Variants in E2F6 observed in about 807,000 individuals in gnomAD.
The protein encoded by E2F6 is transcription factor E2F6.
In E2F6, 19 loss-of-function variants were observed where a neutral mutation model predicts 31.5. The observed-to-expected ratio is 0.60, with a 90% CI of 0.42 to 0.89. The LOEUF (loss-of-function observed/expected upper bound fraction) is 0.89. Among genes scored for constraint, E2F6 ranks in the 40% least tolerant of loss-of-function variants. The probability of loss-of-function intolerance (pLI) is 0.00; values close to 1 mark genes in which losing one functional copy is unlikely to be tolerated. For synonymous variants in E2F6, 121 were observed against 127.7 expected, an observed-to-expected ratio of 0.95 and a Z score of 0.36; for missense variants, 269 against 341.6, an observed-to-expected ratio of 0.79 and a Z score of 1.67.
At position 11,465,793 on chromosome 2, in the gene E2F6, G is replaced by T; in HGVS notation, c.87C>A (p.Pro29=). The T allele has an allele frequency of 6.2e-7, 1 of 1,600,644 alleles. No individual in the cohort carries two copies. The highest frequency in any genetic ancestry group is 2.3e-5 in the East Asian group (1 of 44,242). ...EETVRRRCRD[P]INVEGLLPSK... ...TTACCAGCAGGCCCTCCACGTTGAT[G>T]GGGTCTCGGCACCGACGGCGAACCG... Residue 29 remains proline (P), a synonymous_variant, in exon 1 of 7, where the codon CCC becomes CCA. Transcript: ENST00000381525.
At chr2:11,464,661 G>C (rs1672021134) in intron 1 of E2F6, among the ~76,000 whole-genome samples, 1 of 152,036 alleles carries the variant, frequency 6.6e-6, no homozygotes, top group Non-Finnish European at 1.5e-5. Flanking sequence ...TTATCATCTG[G>C]AGTTAGACAT....
In E2F6 at chr2:11,447,655, C is replaced by A; in HGVS notation, c.771G>T (p.Glu257Asp). 2 of 1,611,960 alleles carry A rather than the reference C, an allele frequency of 1.2e-6. No individual in the cohort carries two copies. Among genetic ancestry groups the A allele is most frequent in the Non-Finnish European group, 1.7e-6 (2 of 1,179,864 alleles). The change falls in exon 6 of 7, where the codon GAG becomes GAT. Residue 257 changes from glutamate (E) to aspartate (D), a missense_variant. Glu to Asp is a conservative substitution (Grantham distance 45, BLOSUM62 2). Coordinates refer to ENST00000381525, the MANE Select transcript of E2F6 (RefSeq NM_198256.4). Reference protein sequence around the residue: ...RSEGVGTSSSESTHPEGPEEE... With the variant: ...RSEGVGTSSSDSTHPEGPEEE... ...CCTCAGGGCCTTCTGGATGAGTGCTCTCAGATGAAGAGGTCCCGACACCTT... is the reference window on the plus strand; with the variant it reads ...CCTCAGGGCCTTCTGGATGAGTGCTATCAGATGAAGAGGTCCCGACACCTT...
chr2:11,454,668 A>G (rs886177242), intron 2 of E2F6, among the ~76,000 whole-genome samples: 1 of 152,058 alleles, frequency 6.6e-6, no homozygotes, highest in Admixed American at 6.6e-5. Flanking sequence ...CTCTATTTTT[A>G]AAAATATTCA....
At chr2:11,457,724 G>C (rs1002111176) in intron 1 of E2F6, among the ~76,000 whole-genome samples, 1 of 152,204 alleles carries the variant, frequency 6.6e-6, no homozygotes, top group South Asian at 2.1e-4. Context: ...GGAAAGCTTA[G>C]TAGAGATAGA....
chr2:11,452,402 T>C (rs375838578), intron 3 of E2F6, among the ~76,000 whole-genome samples: 36 of 152,134 alleles, frequency 2.4e-4, no homozygotes, highest in Admixed American at 1.7e-3. Context: ...TCAGGAGTTA[T>C]AGACCAGCCT....
chr2:11,457,248 A>C lies in E2F6; in HGVS notation c.109-15T>G. The C allele has an allele frequency of 1.4e-6, 2 of 1,479,092 alleles. No individual in the cohort carries two copies. Among genetic ancestry groups the C allele is most frequent in the East Asian group, 4.5e-5 (2 of 43,960 alleles). The allele number at this position is 1,479,092 out of a possible 1,614,324, so 91.6% of individuals were successfully genotyped here. On this transcript the variant is annotated splice_polypyrimidine_tract_variant and intron_variant, in intron 1 of 6. Transcript: ENST00000381525. The stretch of plus-strand genomic sequence containing the variant: ...ATTTTTGATGGCTGAAAAAAAAGAT[A>C]AAAAATTTAACTTAGTGATTTTAAA...
chr2:11,455,225 C>G, intron 2 of E2F6: 2 of 844,030 alleles, frequency 2.4e-6, no homozygotes. Flanking sequence ...GCTTGGTTTG[C>G]AGAAAAAATA....
chr2:11,450,638 C>G (rs1671003291), intron 4 of E2F6, among the ~76,000 whole-genome samples: 1 of 152,140 alleles, frequency 6.6e-6, no homozygotes, highest in South Asian at 2.1e-4. Flanking sequence ...TATGATGTTA[C>G]TTCATCCAAA....
In E2F6 at chr2:11,447,743, T is replaced by C. The variant is rs752319722; in HGVS notation, c.683A>G (p.Asn228Ser). 6.8e-5 allele frequency: 110 copies of C among 1,612,176 alleles called. No homozygotes were observed. The South Asian group carries it at 1.0e-3, about 15-fold the overall frequency. The change falls in exon 6 of 7, where the codon AAC becomes AGC. Residue 228 changes from asparagine to serine, a missense_variant. Coordinates refer to ENST00000381525, the MANE Select transcript of E2F6 (RefSeq NM_198256.4). ...ACACAAATAGACATCGATAGGTCCG[T>C]TGGTGCTCCTTATGTGCACTGTGAT... ...DSITVHIRST[N>S]GPIDVYLCEV...
intron 2 of E2F6, among the ~76,000 whole-genome samples, chr2:11,455,692 A>G (rs1223639535): frequency 6.6e-6 from 1 of 152,226 alleles, no homozygotes; most frequent in Non-Finnish European, 1.5e-5. Flanking sequence ...ACAACGGAAC[A>G]CCAAAAATGT....
intron 1 of E2F6, among the ~76,000 whole-genome samples, chr2:11,458,700 T>G (rs1359452326): frequency 6.6e-6 from 1 of 152,224 alleles, no homozygotes; most frequent in African/African-American, 2.4e-5. Context: ...TTTATACTGG[T>G]GTTAACAATA....
intron 3 of E2F6, among the ~76,000 whole-genome samples, chr2:11,453,305 C>A (rs1166483429): frequency 6.6e-6 from 1 of 152,180 alleles, no homozygotes; most frequent in Non-Finnish European, 1.5e-5. Context: ...AGGCAGTAAG[C>A]CTCTAGGTGT....
chr2:11,455,249 C>A, intron 2 of E2F6: 1 of 943,486 alleles, frequency 1.1e-6, no homozygotes, highest in South Asian at 4.0e-5. Context: ...TCTAAAATAA[C>A]TTTGTCACTC....
intron 1 of E2F6, among the ~76,000 whole-genome samples, chr2:11,457,984 A>T (rs1248106730): frequency 6.6e-6 from 1 of 152,256 alleles, no homozygotes; most frequent in Non-Finnish European, 1.5e-5. Flanking sequence ...ATCAATGCTC[A>T]CCATTTTACC....
intron 2 of E2F6, 40 bp from the exon 3 acceptor site, chr2:11,453,838 A>G (rs1671227750): frequency 6.6e-7 from 1 of 1,517,630 alleles, no homozygotes; most frequent in Admixed American, 1.8e-5. Context: ...ATTTTAAATA[A>G]CATTTCTCAA....
intron 5 of E2F6, among the ~76,000 whole-genome samples, chr2:11,448,207 G>A (rs1268367343): frequency 6.6e-6 from 1 of 152,096 alleles, no homozygotes; most frequent in Non-Finnish European, 1.5e-5. Context: ...CAAGTAAAAT[G>A]TCAAAAAAAT....
intron 1 of E2F6, among the ~76,000 whole-genome samples, chr2:11,460,911 A>C (rs1671735878): frequency 6.6e-6 from 1 of 152,132 alleles, no homozygotes; most frequent in African/African-American, 2.4e-5. Flanking sequence ...GCTCCACTAT[A>C]ATCTTACAGG....
rs1344843534 is a variant in E2F6, at chr2:11,453,802, G to A, written c.164-4C>T. 6.2e-7 allele frequency: 1 copy of A among 1,607,356 alleles called. No individual in the cohort carries two copies. The highest frequency in any genetic ancestry group is 8.5e-7 in the Non-Finnish European group (1 of 1,176,920). On this transcript the variant is annotated splice_polypyrimidine_tract_variant and splice_region_variant and intron_variant, in intron 2 of 6. Coordinates refer to ENST00000381525, the MANE Select transcript of E2F6 (RefSeq NM_198256.4). The stretch of plus-strand genomic sequence containing the variant: ...GGTCTCTTCACTTTTAGAGCTTCTG[G>A]GAAACAAAATAAACATATTTGTAAA...
At chr2:11,458,387 A>G (rs1671546557) in intron 1 of E2F6, 1 of 1,547,714 alleles carries the variant, frequency 6.5e-7, no homozygotes, top group Admixed American at 2.0e-5. Context: ...GGATTGTGGT[A>G]CCGGAAATGA....
Sources: gnomAD v4.1 joint callset for allele counts (sites outside exome capture counted in the v4.1 genomes callset) on GRCh38, gnomAD v4.1.1 for gene constraint, MANE v1.5 for transcripts, NCBI Gene and HGNC (gene_info 2026-07-23, HGNC 2026-07-21) for gene names.